Variants in FAM20C observed in about 807,000 individuals in gnomAD.
FAM20C encodes FAM20C golgi associated secretory pathway kinase.
Under a neutral mutation model 51.5 loss-of-function variants are expected in FAM20C, and 40 were observed. The observed-to-expected ratio is 0.78, with a 90% CI of 0.60 to 1.01. The LOEUF (loss-of-function observed/expected upper bound fraction) is 1.01. Among genes scored for constraint, FAM20C ranks in the 50% least tolerant of loss-of-function variants. FAM20C has a pLI of 0.00. For missense variants in FAM20C, 861 were observed against 844.7 expected, an observed-to-expected ratio of 1.02 and a Z score of -0.24; for synonymous variants, 406 against 380.6, an observed-to-expected ratio of 1.07 and a Z score of -0.78.
rs766219665 is a variant in FAM20C, at chr7:194,719, C to T, written c.606-835C>T. 2.6e-5 allele frequency among the ~76,000 whole-genome samples: 4 copies of T among 152,194 alleles called. No individual in the cohort carries two copies. In the East Asian group the frequency reaches 5.8e-4, roughly 22 times the overall value. On this transcript the variant is annotated intron_variant, in intron 1 of 9. Coordinates refer to ENST00000313766, the MANE Select transcript of FAM20C (RefSeq NM_020223.4). The stretch of plus-strand genomic sequence containing the variant: ...GAGCATTGGCCTGGGCTGTGGCTCT[C>T]GGCAGGGAGAGACGGCCGCCCAGAG...
At chr7:213,024 A>C (rs776951207) in intron 3 of FAM20C, among the ~76,000 whole-genome samples, 2 of 152,178 alleles carry the variant, frequency 1.3e-5, no homozygotes, top group African/African-American at 2.4e-5. Context: ...TGATATTCAT[A>C]AGTTACTTAT....
intron 3 of FAM20C, among the ~76,000 whole-genome samples, chr7:240,840 G>A (rs1388029810): frequency 2.6e-5 from 4 of 152,210 alleles, no homozygotes; most frequent in African/African-American, 9.6e-5. Flanking sequence ...AAGCCCCACA[G>A]AGGGGCTGAG....
intron 5 of FAM20C, among the ~76,000 whole-genome samples, chr7:254,751 GTCACCGTTCCTCA>G (rs1788524567): frequency 1.3e-5 from 2 of 152,172 alleles, no homozygotes; most frequent in South Asian, 4.1e-4. Context: ...TGAGCAGGCG[GTCACCGTTCCTCA>G]CCCCGCAGCC....
At chr7:196,092 G>A (rs139166701) in intron 2 of FAM20C, among the ~76,000 whole-genome samples, 11 of 152,340 alleles carry the variant, frequency 7.2e-5, no homozygotes, top group Non-Finnish European at 1.3e-4. Flanking sequence ...CCCCTCCACC[G>A]GAAGCGTGTG....
At position 193,713 on chromosome 7, in the gene FAM20C, G is replaced by C; in HGVS notation, c.514G>C (p.Val172Leu). 6.5e-7 allele frequency: 1 copy of C among 1,546,708 alleles called. No homozygotes were observed. Among genetic ancestry groups the C allele is most frequent in the East Asian group, 2.5e-5 (1 of 40,712 alleles). The change falls in exon 1 of 10, where the codon GTG becomes CTG. Residue 172 changes from valine (V) to leucine (L), a missense_variant. Val to Leu is a conservative substitution (Grantham distance 32). Transcript: ENST00000313766. ...GCTGTTCGAGCACCCGCTTTACCGGGTGGCGGTTCCGCCGCTCACGGAGGA... is the reference window on the plus strand; with the variant it reads ...GCTGTTCGAGCACCCGCTTTACCGGCTGGCGGTTCCGCCGCTCACGGAGGA... ...ARLFEHPLYR[V>L]AVPPLTEEDV...
At chr7:240,330 G>T in intron 3 of FAM20C, among the ~76,000 whole-genome samples, 3 of 274 alleles carry the variant, frequency 0.011, no homozygotes, top group East Asian at 0.071. Context: ...GGTGGTGGAG[G>T]TGATGATTAT....
intron 3 of FAM20C, among the ~76,000 whole-genome samples, chr7:242,999 G>T (rs906416711): frequency 1.0e-4 from 15 of 150,240 alleles, no homozygotes; most frequent in African/African-American, 1.5e-4. Flanking sequence ...CCACCCGGGA[G>T]ACCTGTGCCA....
At chr7:212,802 T>G (rs1786783584) in intron 3 of FAM20C, among the ~76,000 whole-genome samples, 2 of 152,180 alleles carry the variant, frequency 1.3e-5, no homozygotes, top group Non-Finnish European at 1.5e-5. Flanking sequence ...AAAGTCAGCT[T>G]TATTGAGATA....
Position 253,070 on chromosome 7 carries a change from G to C in FAM20C, c.1073-2779G>C, listed in dbSNP as rs918444316. 4.6e-5 allele frequency among the ~76,000 whole-genome samples: 7 copies of C among 152,330 alleles called. No individual in the cohort carries two copies. The East Asian group carries it at 7.7e-4, about 17-fold the overall frequency. The stretch of plus-strand genomic sequence containing the variant: ...CCGCTTCGCCTTTTTTCCTGCCACG[G>C]TGGCCTGGGCTGGGCAGGGCGGTCC... On this transcript the variant is annotated intron_variant, in intron 5 of 9. Coordinates refer to ENST00000313766, the MANE Select transcript of FAM20C (RefSeq NM_020223.4).
intron 3 of FAM20C, among the ~76,000 whole-genome samples, chr7:244,595 T>C (rs1457912267): frequency 1.3e-5 from 2 of 152,356 alleles, no homozygotes; most frequent in East Asian, 3.9e-4. Flanking sequence ...TTTGCCGCCA[T>C]ACCTGCCACT....
At chr7:230,863 T>C (rs1787643113) in intron 3 of FAM20C, among the ~76,000 whole-genome samples, 1 of 151,596 alleles carries the variant, frequency 6.6e-6, no homozygotes. Flanking sequence ...CTCTCAATAA[T>C]ATACTGAATA....
chr7:231,244 G>A (rs1365873161), intron 3 of FAM20C, among the ~76,000 whole-genome samples: 1 of 152,182 alleles, frequency 6.6e-6, no homozygotes, highest in African/African-American at 2.4e-5. Flanking sequence ...GACCCCTGGA[G>A]GGCAGAGCAG....
rs746225841 is a variant in FAM20C, at chr7:259,992, C to T, written c.*12C>T. 3.7e-5 allele frequency: 55 copies of T among 1,501,858 alleles called. No individual in the cohort carries two copies. In the East Asian group the frequency reaches 7.0e-4, roughly 19 times the overall value. 93.0% of individuals were successfully genotyped at this position (1,501,858 alleles called of 1,614,324 possible). The stretch of plus-strand genomic sequence containing the variant: ...CCTCGGCGAGGTAGTGTCCGCCGGC[C>T]GCTGCGCTGCCCGGGACGGAGACAG... On this transcript the variant is annotated 3_prime_UTR_variant, in exon 10 of 10. Transcript: ENST00000313766.
intron 2 of FAM20C, among the ~76,000 whole-genome samples, chr7:203,319 T>G (rs2115054507): frequency 6.6e-6 from 1 of 152,318 alleles, no homozygotes; most frequent in South Asian, 2.1e-4. Flanking sequence ...ACCAATGAGG[T>G]GAGCTTTCCA....
chr7:208,594 GA>G lies in FAM20C; in HGVS notation c.785-303del, dbSNP rs1327788277. On this transcript the variant is annotated intron_variant, in intron 2 of 9. Transcript: ENST00000313766. ...TACATGGCTGTGTGGGGTGTGTGCTGATGTGGGTGGCTTATACGTGTGTGTC... is the reference window on the plus strand; with the variant it reads ...TACATGGCTGTGTGGGGTGTGTGCTGTGTGGGTGGCTTATACGTGTGTGTC... 2.3e-5 allele frequency among the ~76,000 whole-genome samples: 3 copies of G among 128,350 alleles called. 1 individual carries two copies. The highest frequency in any genetic ancestry group is 8.2e-5 in the Admixed American group (1 of 12,256). 84.2% of individuals were successfully genotyped at this position (128,350 alleles called of 152,430 possible). A position where few individuals can be genotyped will look rare whatever the true frequency, so the allele number is the denominator to read the frequency against.
In FAM20C at chr7:205,607, C is replaced by T. The variant is rs28626501; in HGVS notation, c.785-3291C>T. On this transcript the variant is annotated intron_variant, in intron 2 of 9. Transcript: ENST00000313766. ...ACCCCTCAGAGACACCGCAGGAGGC[C>T]GAGCACACTGCCCTGAGGTCGCGTC... Among the ~76,000 whole-genome samples, 968 of 152,260 alleles carry T rather than the reference C, an allele frequency of 6.4e-3. 9 individuals are homozygous for T. The highest frequency in any genetic ancestry group is 0.021 in the African/African-American group (860 of 41,552).
chr7:207,548 C>G (rs1786483565), intron 2 of FAM20C, among the ~76,000 whole-genome samples: 1 of 152,230 alleles, frequency 6.6e-6, no homozygotes, highest in Non-Finnish European at 1.5e-5. Context: ...CCCAGGGCCC[C>G]CGCCCCGCTT....
At position 195,519 on chromosome 7, in the gene FAM20C, T is replaced by C. The variant is rs780038997; in HGVS notation, c.606-35T>C. 7 of 1,477,950 alleles carry C rather than the reference T, an allele frequency of 4.7e-6. No individual in the cohort carries two copies. The African/African-American group carries it at 9.8e-5, about 21-fold the overall frequency. 91.6% of individuals were successfully genotyped at this position (1,477,950 alleles called of 1,614,324 possible). A position where few individuals can be genotyped will look rare whatever the true frequency, so the allele number is the denominator to read the frequency against. On this transcript the variant is annotated intron_variant, in intron 1 of 9. Transcript: ENST00000313766. Reference sequence around the variant, plus strand: ...TCATCCGACTCACGGGCCTGTTCTTTCCATGCTGATGTTCGTCCTCGCTGC... The same window carrying C: ...TCATCCGACTCACGGGCCTGTTCTTCCCATGCTGATGTTCGTCCTCGCTGC...
rs569713473 is a variant in FAM20C at position 253,157 on chromosome 7, C to A, written c.1073-2692C>A. ...CAGGTTGCAGGAGACACGTTTCCAG[C>A]GATGGACCCAGTTCGGGCACCCAGA... On this transcript the variant is annotated intron_variant, in intron 5 of 9. Coordinates refer to ENST00000313766, the MANE Select transcript of FAM20C (RefSeq NM_020223.4). Among the ~76,000 whole-genome samples, 356 of 152,332 alleles carry A rather than the reference C, an allele frequency of 2.3e-3. 3 individuals carry two copies. Among genetic ancestry groups the A allele is most frequent in the Non-Finnish European group, 3.7e-3 (250 of 68,040 alleles).
Sources: gnomAD v4.1 joint callset for allele counts (sites outside exome capture counted in the v4.1 genomes callset) on GRCh38, gnomAD v4.1.1 for gene constraint, MANE v1.5 for transcripts, NCBI Gene and HGNC (gene_info 2026-07-23, HGNC 2026-07-21) for gene names.